The following RAB6A variants were observed in gnomAD, a reference collection of about 807,000 sequenced individuals.
The protein encoded by RAB6A is RAB6A, member RAS oncogene family.
Under a neutral mutation model 32.3 loss-of-function variants are expected in RAB6A, and 8 were observed. That is an observed-to-expected ratio of 0.25 (90% CI 0.15 to 0.45). The LOEUF is 0.45. RAB6A is among the 20% of genes least tolerant of loss of function. RAB6A has a pLI of 1.00. For missense variants in RAB6A, 104 were observed against 249.4 expected (o/e 0.42, Z 3.93); for synonymous variants, 73 against 82.1 (o/e 0.89, Z 0.60).
intron 6 of RAB6A, among the ~76,000 whole-genome samples, chr11:73,702,326 A>G (rs1945758540): frequency 6.6e-6 from 1 of 152,098 alleles, no homozygotes. Context: ...ATGCTCAGCT[A>G]ATTTTCAAAA....
chr11:73,731,684 T>TTA (rs1157961323), intron 1 of RAB6A, among the ~76,000 whole-genome samples: 320 of 14,334 alleles, frequency 0.022, no homozygotes, highest in Middle Eastern at 0.029. Flanking sequence ...TAGATAGATA[T>TTA]TATATATATA....
rs3182808 is a variant in RAB6A, at chr11:73,677,671, T to G, written c.*227A>C. ...AATTTTTAAAGTTATCACTGGAATA[T>G]GCTGAAATATTTTGGCTTTTTGTAA... On this transcript the variant is annotated 3_prime_UTR_variant, in exon 8 of 8. Transcript: ENST00000336083. 8.6e-7 allele frequency: 1 copy of G among 1,156,956 alleles called. No homozygotes were observed. Among genetic ancestry groups the G allele is most frequent in the African/African-American group, 1.6e-5 (1 of 64,072 alleles). 71.7% of individuals were successfully genotyped at this position (1,156,956 alleles called of 1,614,324 possible).
rs1249323806 is a variant in RAB6A at position 73,760,487 on chromosome 11, C to A, written c.70+79G>T. Reference sequence around the variant, plus strand: ...GGACGCGAGGCGGGCAGGGAGCCTCCGCGGACGGAAGGGCCGCACCGGGGG... The same window carrying A: ...GGACGCGAGGCGGGCAGGGAGCCTCAGCGGACGGAAGGGCCGCACCGGGGG... On this transcript the variant is annotated intron_variant, in intron 1 of 7. Transcript: ENST00000336083. 6.0e-6 allele frequency: 9 copies of A among 1,506,664 alleles called. No homozygotes were observed. In the African/African-American group the frequency reaches 1.1e-4, roughly 19 times the overall value. 93.3% of individuals were successfully genotyped at this position (1,506,664 alleles called of 1,614,324 possible). A position where few individuals can be genotyped will look rare whatever the true frequency, so the allele number is the denominator to read the frequency against.
chr11:73,691,568 G>A (rs941147795), intron 6 of RAB6A, among the ~76,000 whole-genome samples: 15 of 152,128 alleles, frequency 9.9e-5, no homozygotes, highest in Non-Finnish European at 1.6e-4. Flanking sequence ...GGAGAGCAAG[G>A]CTCTCATTTC....
At chr11:73,715,104 A>G (rs1946033404) in intron 5 of RAB6A, among the ~76,000 whole-genome samples, 1 of 152,340 alleles carries the variant, frequency 6.6e-6, no homozygotes, top group East Asian at 1.9e-4. Flanking sequence ...TTAAATTAAG[A>G]AAGACTTTTT....
chr11:73,760,513 C>A lies in RAB6A; in HGVS notation c.70+53G>T, dbSNP rs1055409463. 13 of 1,542,192 alleles carry A rather than the reference C, an allele frequency of 8.4e-6. No individual in the cohort carries two copies. In the African/African-American group the frequency reaches 1.8e-4, roughly 21 times the overall value. ...GCGGACGGAAGGGCCGCACCGGGGG[C>A]GGTGCGGGGACGCTGCGGCCAGCTG... On this transcript the variant is annotated intron_variant, in intron 1 of 7. Coordinates refer to ENST00000336083, the MANE Select transcript of RAB6A (RefSeq NM_198896.2).
At position 73,742,246 on chromosome 11, in the gene RAB6A, C is replaced by T. The variant is rs1253792484; in HGVS notation, c.71-11423G>A. ...GCAGTGAGCTGAGATTGTGCCACTG[C>T]ACTCCAGCCTGGGCGACAGAGCGAG... On this transcript the variant is annotated intron_variant, in intron 1 of 7. Coordinates refer to ENST00000336083, the MANE Select transcript of RAB6A (RefSeq NM_198896.2). 2.6e-5 allele frequency among the ~76,000 whole-genome samples: 4 copies of T among 152,102 alleles called. No homozygotes were observed. In the East Asian group the frequency reaches 7.8e-4, roughly 29 times the overall value.
chr11:73,684,498 T>C (rs1945410266), intron 6 of RAB6A, among the ~76,000 whole-genome samples: 1 of 152,232 alleles, frequency 6.6e-6, no homozygotes. Context: ...ACAGACATAA[T>C]GCTATTAATA....
chr11:73,736,964 C>T (rs1228612078), intron 1 of RAB6A, among the ~76,000 whole-genome samples: 4 of 123,820 alleles, frequency 3.2e-5, no homozygotes, highest in African/African-American at 9.6e-5. Flanking sequence ...GGTGACACAG[C>T]GAGACACTGT....
chr11:73,693,729 T>C (rs1142884), intron 6 of RAB6A, among the ~76,000 whole-genome samples: 1 of 151,754 alleles, frequency 6.6e-6, no homozygotes, highest in Non-Finnish European at 1.5e-5. Context: ...ACTAAAAATT[T>C]AAAAAATCAG....
intron 5 of RAB6A, among the ~76,000 whole-genome samples, chr11:73,712,930 C>A (rs1271661363): frequency 6.6e-6 from 1 of 152,096 alleles, no homozygotes; most frequent in Non-Finnish European, 1.5e-5. Context: ...GTTGGCCAGG[C>A]TGGTCTCGAA....
At chr11:73,690,523 C>T (rs1945534099) in intron 6 of RAB6A, among the ~76,000 whole-genome samples, 1 of 151,258 alleles carries the variant, frequency 6.6e-6, no homozygotes, top group South Asian at 2.1e-4. Context: ...GTAGCTAGGA[C>T]TACAGGGATG....
At chr11:73,700,297 T>C (rs974386533) in intron 6 of RAB6A, among the ~76,000 whole-genome samples, 4 of 152,152 alleles carry the variant, frequency 2.6e-5, no homozygotes, top group African/African-American at 9.6e-5. Flanking sequence ...GTAATACTTA[T>C]GCATTAGAAA....
intron 6 of RAB6A, among the ~76,000 whole-genome samples, chr11:73,698,326 G>C (rs1262629471): frequency 6.6e-6 from 1 of 152,152 alleles, no homozygotes; most frequent in Admixed American, 6.5e-5. Context: ...AGAATATAAG[G>C]CTTAAGATCT....
In RAB6A at chr11:73,753,325, G is replaced by C. The variant is rs189430525; in HGVS notation, c.70+7241C>G. ...AGTGACTCTCCTGCCTCAGCCTCCT[G>C]AGATGGGATTACAGATGCACGCCAT... On this transcript the variant is annotated intron_variant, in intron 1 of 7. Coordinates refer to ENST00000336083, the MANE Select transcript of RAB6A (RefSeq NM_198896.2). Among the ~76,000 whole-genome samples, 291 of 152,116 alleles carry C rather than the reference G, an allele frequency of 1.9e-3. 1 individual carries two copies. Among genetic ancestry groups the C allele is most frequent in the African/African-American group, 6.4e-3 (267 of 41,534 alleles).
intron 2 of RAB6A, among the ~76,000 whole-genome samples, chr11:73,723,754 A>G (rs1333657132): frequency 6.6e-6 from 1 of 152,216 alleles, no homozygotes; most frequent in Admixed American, 6.5e-5. Flanking sequence ...AAGACAAACA[A>G]TAAGCTAATT....
chr11:73,759,192 A>G (rs139713974), intron 1 of RAB6A, among the ~76,000 whole-genome samples: 1 of 152,212 alleles, frequency 6.6e-6, no homozygotes, highest in African/African-American at 2.4e-5. Context: ...TAAAACACCT[A>G]GTAGGTACTC....
chr11:73,746,398 T>C lies in RAB6A; in HGVS notation c.70+14168A>G, dbSNP rs373371365. ...AGTGGCACATGCCTGTAGTCCCAAA[T>C]ACTAGGGAAATTGAGGCAGAAGAAA... On this transcript the variant is annotated intron_variant, in intron 1 of 7. Transcript: ENST00000336083. 2.1e-4 allele frequency among the ~76,000 whole-genome samples: 32 copies of C among 151,446 alleles called. No individual in the cohort carries two copies. The South Asian group carries it at 6.7e-3, about 32-fold the overall frequency.
chr11:73,680,381 A>G (rs1980346), intron 6 of RAB6A, among the ~76,000 whole-genome samples: 147,538 of 152,336 alleles, frequency 0.97, 71,603 homozygotes, highest in Middle Eastern at 1. Context: ...TCAGGGCTGG[A>G]CGCGGTGGCT....
Sources: allele counts gnomAD v4.1 joint callset (sites outside exome capture counted in the v4.1 genomes callset), GRCh38; gene constraint gnomAD v4.1.1; transcripts MANE v1.5; gene names NCBI Gene and HGNC (gene_info 2026-07-23, HGNC 2026-07-21).